The following ERF variants were observed in gnomAD, a reference collection of about 807,000 sequenced individuals.
ERF encodes the protein ETS domain-containing transcription factor ERF.
Under a neutral mutation model 41.6 loss-of-function variants are expected in ERF, and 10 were observed. That is an observed-to-expected ratio of 0.24 (90% CI 0.15 to 0.41). The LOEUF is 0.41. Ranked by LOEUF, ERF falls within the 10% of genes least tolerant of loss-of-function variation. ERF has a pLI of 1.00. For missense variants in ERF, 621 were observed against 763.2 expected, an observed-to-expected ratio of 0.81 and a Z score of 2.19; for synonymous variants, 395 against 342.4, an observed-to-expected ratio of 1.15 and a Z score of -1.70.
rs886341015 is a variant in ERF, at chr19:42,250,794, C to T, written c.23-229G>A. On this transcript the variant is annotated intron_variant, in intron 1 of 3. Coordinates refer to ENST00000222329, the MANE Select transcript of ERF (RefSeq NM_006494.4). This position sits in a 1 kb window ranked among gnomAD's most constrained non-coding sequence, Gnocchi z 5.1. ...AAGCTGGAGCCCGCTCCAGCGACACCGGGAGAAACAGGAAACCGTCGGCGG... is the reference window on the plus strand; with the variant it reads ...AAGCTGGAGCCCGCTCCAGCGACACTGGGAGAAACAGGAAACCGTCGGCGG... Among the ~76,000 whole-genome samples the T allele has an allele frequency of 2.6e-5, 4 of 152,116 alleles. No homozygotes were observed. The highest frequency in any genetic ancestry group is 1.9e-4 in the East Asian group (1 of 5,184).
chr19:42,250,685 C>T lies in ERF; in HGVS notation c.23-120G>A. ...ATGGGGAAATCTGTCTCACCTCAGC[C>T]AAGTCAAGATCTGATTTAAGAGAAG... On this transcript the variant is annotated intron_variant, in intron 1 of 3. Transcript: ENST00000222329. This position sits in a 1 kb window ranked among gnomAD's most constrained non-coding sequence, Gnocchi z 5.1. 1 of 944,740 alleles carries T rather than the reference C, an allele frequency of 1.1e-6. No homozygotes were observed. Among genetic ancestry groups the T allele is most frequent in the Non-Finnish European group, 1.6e-6 (1 of 628,848 alleles). The allele number at this position is 944,740 out of a possible 1,614,324, so 58.5% of individuals were successfully genotyped here.
chr19:42,252,231 C>T (rs1159567717), intron 1 of ERF, among the ~76,000 whole-genome samples: 5 of 152,196 alleles, frequency 3.3e-5, no homozygotes, highest in Non-Finnish European at 7.3e-5. Context: ...CTCAGGGAAC[C>T]AAGCTCCATG....
chr19:42,249,723 T>C lies in ERF; in HGVS notation c.389A>G (p.Gln130Arg). The C allele has an allele frequency of 6.2e-7, 1 of 1,601,628 alleles. No individual in the cohort carries two copies. Residue 130 changes from glutamine (Q) to arginine (R), a missense_variant, in exon 4 of 4, where the codon CAG becomes CGG. By Grantham distance (43) the Gln-to-Arg change is conservative (BLOSUM62 1). Transcript: ENST00000222329. The surrounding 1 kb of genome is among the most constrained non-coding windows in gnomAD (Gnocchi z 8.6). ...DVGLAGGAVP[Q>R]SAPPVPSGGS... is the part of the protein sequence containing the mutation. ...ACCCGACGGCACTGGCGGGGCACTC[T>C]GGGGCACTGCACCCCCTGGCAGAAG...
intron 1 of ERF, chr19:42,251,228 G>A (rs1027314131): frequency 1.2e-4 from 123 of 985,098 alleles, no homozygotes; most frequent in Non-Finnish European, 1.3e-4. Flanking sequence ...GAGCTACACT[G>A]CCCTCCCCAG....
intron 1 of ERF, among the ~76,000 whole-genome samples, 158 bp downstream of exon 1, chr19:42,254,820 C>G (rs1300682279): frequency 1.3e-5 from 2 of 152,204 alleles, no homozygotes; most frequent in Admixed American, 1.3e-4. Context: ...AGCAACCCCG[C>G]TCGCGCCACG....
At chr19:42,254,065 G>T (rs1005844258) in intron 1 of ERF, among the ~76,000 whole-genome samples, 1 of 150,816 alleles carries the variant, frequency 6.6e-6, no homozygotes, top group Non-Finnish European at 1.5e-5. Context: ...AGGGGAGGGG[G>T]AAAAGTCCGA....
At position 42,248,722 on chromosome 19, in the gene ERF, G is replaced by A; in HGVS notation, c.1390C>T (p.Pro464Ser). ...FKTPRAPPAP[P>S]KPEPGEAPGA... ...GGTGCCTCGCCGGGCTCAGGCTTAG[G>A]GGGTGCAGGTGGGGCACGGGGCGTC... is the stretch of plus-strand genomic sequence containing the variant. Residue 464 changes from proline (P) to serine (S), a missense_variant, in exon 4 of 4, where the codon CCT becomes TCT. Around this residue, in one of 3 missense-constraint regions of ERF, gnomAD observed 569 missense variants for 625.5 expected, o/e 0.91. Coordinates refer to ENST00000222329, the MANE Select transcript of ERF (RefSeq NM_006494.4). This position sits in a 1 kb window ranked among gnomAD's most constrained non-coding sequence, Gnocchi z 4.2. 1.2e-6 allele frequency: 2 copies of A among 1,613,596 alleles called. No individual in the cohort carries two copies. The highest frequency in any genetic ancestry group is 2.2e-5 in the East Asian group (1 of 44,882).
intron 1 of ERF, chr19:42,253,718 A>T (rs939273765): frequency 1.5e-5 from 5 of 337,462 alleles, no homozygotes; most frequent in African/African-American, 6.8e-5. Flanking sequence ...CTGGCGCCGG[A>T]TCCCAGCTCG....
chr19:42,254,887 C>T, intron 1 of ERF, 91 bp downstream of exon 1: 1 of 1,377,932 alleles, frequency 7.3e-7, no homozygotes, highest in Non-Finnish European at 9.7e-7. Context: ...ATCACTCGGG[C>T]TCCCCCGGAC....
intron 1 of ERF, among the ~76,000 whole-genome samples, chr19:42,252,786 C>CA (rs1178448105): frequency 3.3e-5 from 5 of 152,166 alleles, no homozygotes; most frequent in African/African-American, 1.2e-4. Context: ...CTCTGTTCCC[C>CA]AGGCCTTGGA....
rs1599819368 is a variant in ERF at position 42,248,431 on chromosome 19, G to A, written c.*34C>T. ...TTAAGGCAGCAAAAGAAGCATGGGG[G>A]GTGCGGGGCACACAGGTCCCCTGCC... On this transcript the variant is annotated 3_prime_UTR_variant, in exon 4 of 4. Transcript: ENST00000222329. This position sits in a 1 kb window ranked among gnomAD's most constrained non-coding sequence, Gnocchi z 4.2. 2 of 1,433,548 alleles carry A rather than the reference G, an allele frequency of 1.4e-6. No homozygotes were observed. Among genetic ancestry groups the A allele is most frequent in the Non-Finnish European group, 1.8e-6 (2 of 1,092,760 alleles). The allele number at this position is 1,433,548 out of a possible 1,614,324, so 88.8% of individuals were successfully genotyped here.
chr19:42,254,971 C>T lies in ERF; in HGVS notation c.22+7G>A. 1 of 1,491,682 alleles carries T rather than the reference C, an allele frequency of 6.7e-7. No individual in the cohort carries two copies. Among genetic ancestry groups the T allele is most frequent in the Non-Finnish European group, 8.9e-7 (1 of 1,129,556 alleles). 92.4% of individuals were successfully genotyped at this position (1,491,682 alleles called of 1,614,324 possible). A position where few individuals can be genotyped will look rare whatever the true frequency, so the allele number is the denominator to read the frequency against. ...GTCTCCCCCACACGTGCTGCCCCCG[C>T]CCCCACCTGTGTCCGCCGGGGTCTT... On this transcript the variant is annotated splice_region_variant and intron_variant, in intron 1 of 3. Coordinates refer to ENST00000222329, the MANE Select transcript of ERF (RefSeq NM_006494.4).
chr19:42,248,403 G>A lies in ERF; in HGVS notation c.*62C>T, dbSNP rs902457180. The A allele has an allele frequency of 5.7e-6, 8 of 1,399,838 alleles. No homozygotes were observed. In the African/African-American group the frequency reaches 8.7e-5, roughly 15 times the overall value. 86.7% of individuals were successfully genotyped at this position (1,399,838 alleles called of 1,614,324 possible). A position where few individuals can be genotyped will look rare whatever the true frequency, so the allele number is the denominator to read the frequency against. ...CTGCCCTCACCTCCAGGGCATAGGG[G>A]GCTTAAGGCAGCAAAAGAAGCATGG... On this transcript the variant is annotated 3_prime_UTR_variant, in exon 4 of 4. Transcript: ENST00000222329. The surrounding 1 kb of genome is among the most constrained non-coding windows in gnomAD (Gnocchi z 4.2).
chr19:42,248,365 A>C lies in ERF; in HGVS notation c.*100T>G. 21 of 1,047,620 alleles carry C rather than the reference A, an allele frequency of 2.0e-5. No homozygotes were observed. Among genetic ancestry groups the C allele is most frequent in the South Asian group, 3.3e-5 (1 of 30,104 alleles). The allele number at this position is 1,047,620 out of a possible 1,614,324, so 64.9% of individuals were successfully genotyped here. On this transcript the variant is annotated 3_prime_UTR_variant, in exon 4 of 4. Coordinates refer to ENST00000222329, the MANE Select transcript of ERF (RefSeq NM_006494.4). This position sits in a 1 kb window ranked among gnomAD's most constrained non-coding sequence, Gnocchi z 4.2. ...GGAGGGAAAAGGGAGGAGGCAGGGA[A>C]GAGACAAGAGAGCTGCCCTCACCTC...
intron 1 of ERF, among the ~76,000 whole-genome samples, chr19:42,253,069 T>C (rs986671310): frequency 6.6e-6 from 1 of 151,088 alleles, no homozygotes; most frequent in Non-Finnish European, 1.5e-5. Context: ...AGAGGCGGGG[T>C]AGGGATTCTC....
At position 42,249,170 on chromosome 19, in the gene ERF, C is replaced by T. The variant is rs763081786; in HGVS notation, c.942G>A (p.Leu314=). Reference sequence around the variant, plus strand: ...TGTAGACGCTTTGGGTGTGGGCCTGCAGGTACCGTTTCATGTCCTCAGGGC... The same window carrying T: ...TGTAGACGCTTTGGGTGTGGGCCTGTAGGTACCGTTTCATGTCCTCAGGGC... ...SFSPEDMKRY[L]QAHTQSVYNY... Residue 314 remains leucine (L), a synonymous_variant, in exon 4 of 4, where the codon CTG becomes CTA. Coordinates refer to ENST00000222329, the MANE Select transcript of ERF (RefSeq NM_006494.4). The surrounding 1 kb of genome is among the most constrained non-coding windows in gnomAD (Gnocchi z 8.6). 9.9e-5 allele frequency: 159 copies of T among 1,613,732 alleles called. No homozygotes were observed. Among genetic ancestry groups the T allele is most frequent in the Non-Finnish European group, 1.3e-4 (154 of 1,179,918 alleles).
chr19:42,253,598 G>C (rs892599472), intron 1 of ERF, among the ~76,000 whole-genome samples: 2 of 152,054 alleles, frequency 1.3e-5, no homozygotes, highest in Non-Finnish European at 2.9e-5. Context: ...CCAGCCACCC[G>C]GGAGCGAGTG....
intron 1 of ERF, chr19:42,253,767 G>GGGGGAT (rs1471237332): frequency 2.2e-5 from 15 of 676,666 alleles, no homozygotes; most frequent in South Asian, 1.7e-4. Context: ...CCGCCGAGCA[G>GGGGGAT]GGGGATGGGG....
At position 42,250,196 on chromosome 19, in the gene ERF, G is replaced by C; in HGVS notation, c.257+135C>G. On this transcript the variant is annotated intron_variant, in intron 2 of 3. Transcript: ENST00000222329. The surrounding 1 kb of genome is among the most constrained non-coding windows in gnomAD (Gnocchi z 5.1). Reference sequence around the variant, plus strand: ...ACCAAGGGGCTCAGGGAAGGGCTGGGAGTGGCCCAAGGTCACACAGCTAGG... The same window carrying C: ...ACCAAGGGGCTCAGGGAAGGGCTGGCAGTGGCCCAAGGTCACACAGCTAGG... 1 of 997,028 alleles carries C rather than the reference G, an allele frequency of 1.0e-6. No individual in the cohort carries two copies. Among genetic ancestry groups the C allele is most frequent in the South Asian group, 1.6e-5 (1 of 63,668 alleles). 61.8% of individuals were successfully genotyped at this position (997,028 alleles called of 1,614,324 possible).
Sources: allele counts gnomAD v4.1 joint callset (sites outside exome capture counted in the v4.1 genomes callset), GRCh38; gene constraint gnomAD v4.1.1; regional missense constraint gnomAD v4.1.1; non-coding constraint Gnocchi (gnomAD v3.1); transcripts MANE v1.5; gene names NCBI Gene and HGNC (gene_info 2026-07-23, HGNC 2026-07-21).